Variants in PKM observed in about 807,000 individuals in gnomAD.
The protein encoded by PKM is pyruvate kinase M1/2.
Under a neutral mutation model 49.8 loss-of-function variants are expected in PKM, and 18 were observed. That is an observed-to-expected ratio of 0.36 (90% CI 0.25 to 0.54). The LOEUF is 0.54. PKM is among the 20% of genes least tolerant of loss of function. The pLI is 0.89. For missense variants in PKM, 508 were observed against 713.8 expected, an observed-to-expected ratio of 0.71 and a Z score of 3.28; for synonymous variants, 239 against 261.8, an observed-to-expected ratio of 0.91 and a Z score of 0.84.
intron 1 of PKM, among the ~76,000 whole-genome samples, chr15:72,223,956 G>A (rs2082594846): frequency 6.6e-6 from 1 of 151,482 alleles, no homozygotes; most frequent in Admixed American, 6.6e-5. Flanking sequence ...TTATTTCTTC[G>A]GGGCTGAAAG....
chr15:72,203,876 A>G (rs2082006797), intron 8 of PKM: 1 of 152,476 alleles, frequency 6.6e-6, no homozygotes, highest in African/African-American at 2.4e-5. Context: ...CACTTGATTA[A>G]AATCTAATAA....
intron 3 of PKM, 136 bp from the exon 4 acceptor site, chr15:72,210,614 G>T: frequency 1.0e-6 from 1 of 956,168 alleles, no homozygotes; most frequent in Non-Finnish European, 1.6e-6. Flanking sequence ...TCCTCAGCAC[G>T]ATCCATGCAC....
Position 72,206,795 on chromosome 15 carries a change from C to T in PKM, c.1073G>A (p.Cys358Tyr). ...VANAVLDGAD[C>Y]IMLSGETAKG... ...GGCTGTTTCTCCAGACAGCATGATG[C>T]AGTCGGCTCCATCCAGGACTGCATT... is the stretch of plus-strand genomic sequence containing the variant. The change falls in exon 8 of 11, where the codon TGC becomes TAC. Residue 358 changes from cysteine (C) to tyrosine (Y), a missense_variant. Coordinates refer to ENST00000335181, the MANE Select transcript of PKM (RefSeq NM_002654.6). 1 of 1,614,168 alleles carries T rather than the reference C, an allele frequency of 6.2e-7. No individual in the cohort carries two copies. The highest frequency in any genetic ancestry group is 8.5e-7 in the Non-Finnish European group (1 of 1,180,014).
At chr15:72,230,031 G>A (rs12442597) in intron 1 of PKM, among the ~76,000 whole-genome samples, 1 of 152,184 alleles carries the variant, frequency 6.6e-6, no homozygotes, top group African/African-American at 2.4e-5. Context: ...CGCCCGTTAC[G>A]AGGCCCAAGG....
chr15:72,201,390 C>T (rs929156785), intron 9 of PKM: 2 of 152,396 alleles, frequency 1.3e-5, no homozygotes, highest in African/African-American at 2.4e-5. Context: ...TGACACTGCA[C>T]ACTTGTAGCT....
chr15:72,218,211 G>A (rs1201087976), intron 2 of PKM, among the ~76,000 whole-genome samples: 6 of 151,262 alleles, frequency 4.0e-5, no homozygotes, highest in Non-Finnish European at 8.8e-5. Context: ...TGCAACCTCC[G>A]CCTCCCAGGT....
intron 1 of PKM, 95 bp downstream of exon 1, chr15:72,231,021 G>C (rs1441848372): frequency 3.3e-6 from 4 of 1,202,732 alleles, no homozygotes; most frequent in East Asian, 1.2e-4. Context: ...CGCCCTGCCT[G>C]CGTGCCCGGG....
chr15:72,210,165 T>C (rs2082213703), intron 4 of PKM, 182 bp downstream of exon 4: 7 of 782,852 alleles, frequency 8.9e-6, no homozygotes, highest in Non-Finnish European at 1.3e-5. Context: ...TACCATTTCC[T>C]AGCAAAGTAG....
intron 5 of PKM, chr15:72,209,431 A>ATATATATATG: frequency 4.1e-5 from 1 of 24,192 alleles, no homozygotes; most frequent in African/African-American, 1.2e-4. Flanking sequence ...ATATATATAT[A>ATATATATATG]TATATATATG....
intron 3 of PKM, among the ~76,000 whole-genome samples, chr15:72,212,117 A>C (rs544670799): frequency 7.1e-4 from 108 of 152,302 alleles, no homozygotes; most frequent in African/African-American, 2.2e-3. Context: ...TCTGTTTTTT[A>C]TAGGGTTCCT....
At chr15:72,226,973 C>G (rs1322294358) in intron 1 of PKM, among the ~76,000 whole-genome samples, 1 of 152,226 alleles carries the variant, frequency 6.6e-6, no homozygotes, top group Non-Finnish European at 1.5e-5. Flanking sequence ...GCAGTCATAC[C>G]AAGAGGCAGG....
In PKM at chr15:72,208,753, T is replaced by C. The variant is rs149152236; in HGVS notation, c.704A>G (p.Gln235Arg). ...DIQDLKFGVE[Q>R]DVDMVFASFI... ...TGACGCAAACACCATATCAACATCC[T>C]GCTCGACCCCAAACTTCAGATCCTG... The change falls in exon 6 of 11, where the codon CAG (glutamine) becomes CGG (arginine). Residue 235 changes from glutamine (Q) to arginine (R), a missense_variant. Physicochemically the swap from Gln to Arg is conservative, Grantham distance 43. Coordinates refer to ENST00000335181, the MANE Select transcript of PKM (RefSeq NM_002654.6). 1.9e-6 allele frequency: 3 copies of C among 1,614,200 alleles called. No homozygotes were observed. The highest frequency in any genetic ancestry group is 2.5e-6 in the Non-Finnish European group (3 of 1,180,030).
intron 3 of PKM, among the ~76,000 whole-genome samples, chr15:72,212,443 C>G (rs2082277561): frequency 6.6e-6 from 1 of 151,422 alleles, no homozygotes; most frequent in Non-Finnish European, 1.5e-5. Flanking sequence ...CCACTGCACT[C>G]CAGCCTGGGC....
intron 8 of PKM, among the ~76,000 whole-genome samples, chr15:72,204,801 T>A (rs1596727896): frequency 2.0e-5 from 3 of 152,202 alleles, no homozygotes; most frequent in African/African-American, 4.8e-5. Flanking sequence ...GATTTCATGG[T>A]TCAGTATATC....
chr15:72,228,925 G>A (rs954549875), intron 1 of PKM, among the ~76,000 whole-genome samples: 5 of 152,120 alleles, frequency 3.3e-5, no homozygotes, highest in African/African-American at 9.7e-5. Flanking sequence ...TACTTACAGC[G>A]GAACACCAAA....
At chr15:72,209,275 A>T (rs951225535) in intron 5 of PKM, among the ~76,000 whole-genome samples, 14 of 151,538 alleles carry the variant, frequency 9.2e-5, no homozygotes, top group Admixed American at 8.6e-4. Context: ...AGGCTGAGGT[A>T]GGAGAATAGC....
intron 1 of PKM, among the ~76,000 whole-genome samples, chr15:72,228,386 T>TC (rs1004384804): frequency 5.3e-5 from 8 of 149,648 alleles, no homozygotes; most frequent in African/African-American, 1.5e-4. Flanking sequence ...CTTTTTTTTT[T>TC]TTTTTTTTTG....
intron 4 of PKM, 98 bp from the exon 5 acceptor site, chr15:72,209,957 C>A: frequency 1.0e-6 from 1 of 974,706 alleles, no homozygotes. Context: ...GGGAACAATG[C>A]TCAAGTCACT....
At chr15:72,214,897 G>C (rs2082339954) in intron 3 of PKM, among the ~76,000 whole-genome samples, 1 of 152,048 alleles carries the variant, frequency 6.6e-6, no homozygotes, top group African/African-American at 2.4e-5. Flanking sequence ...CAAAAGTGAG[G>C]GCTGAAGACT....
Sources: allele counts gnomAD v4.1 joint callset (sites outside exome capture counted in the v4.1 genomes callset), GRCh38; gene constraint gnomAD v4.1.1; transcripts MANE v1.5; gene names NCBI Gene and HGNC (gene_info 2026-07-23, HGNC 2026-07-21).